ZHX3: variants seen among roughly 807,000 people sequenced by gnomAD.
ZHX3 encodes the protein zinc fingers and homeoboxes 3.
A neutral mutation model predicts 64.5 loss-of-function variants in ZHX3; 20 were observed. The observed-to-expected ratio is 0.31, with a 90% CI of 0.22 to 0.45. The LOEUF is 0.45. Ranked by LOEUF, ZHX3 falls within the 20% of genes least tolerant of loss-of-function variation. The pLI is 1.00. For synonymous variants in ZHX3, 423 were observed against 461.6 expected (o/e 0.92, Z 1.07); for missense variants, 1,041 against 1,195.8 (o/e 0.87, Z 1.91).
chr20:41,219,550 CAACAA>C lies in ZHX3; in HGVS notation c.-150-14489_-150-14485del. 6.6e-6 allele frequency among the ~76,000 whole-genome samples: 1 copy of C among 152,326 alleles called. No individual in the cohort carries two copies. The highest frequency in any genetic ancestry group is 2.1e-4 in the South Asian group (1 of 4,824). On this transcript the variant is annotated intron_variant, in intron 2 of 3. Transcript: ENST00000683867. The surrounding 1 kb of genome is among the most constrained non-coding windows in gnomAD (Gnocchi z 5.0). ...GGTTCCTTGTAGTAAGCACCAAAAA[CAACAA>C]AACCTTCCTATAAGTTTTATTTGCT...
At chr20:41,248,319 C>CA (rs536246473) in intron 2 of ZHX3, among the ~76,000 whole-genome samples, 2 of 152,070 alleles carry the variant, frequency 1.3e-5, no homozygotes, top group African/African-American at 4.8e-5. Flanking sequence ...CCAGTTTCTC[C>CA]GGTTTTTTTT....
chr20:41,265,017 G>T (rs897852004), intron 2 of ZHX3, among the ~76,000 whole-genome samples: 1 of 151,948 alleles, frequency 6.6e-6, no homozygotes, highest in African/African-American at 2.4e-5. Flanking sequence ...AAAAATAAGC[G>T]CAAAATAAGC....
At chr20:41,292,696 T>A (rs1406989933) in intron 1 of ZHX3, among the ~76,000 whole-genome samples, 1 of 152,230 alleles carries the variant, frequency 6.6e-6, no homozygotes, top group East Asian at 1.9e-4. Context: ...AGAAAAAAAT[T>A]GGATGCTCCA....
At position 41,228,568 on chromosome 20, in the gene ZHX3, T is replaced by C. The variant is rs2040411056; in HGVS notation, c.-150-23502A>G. Among the ~76,000 whole-genome samples the C allele has an allele frequency of 6.6e-6, 1 of 152,182 alleles. No homozygotes were observed. Among genetic ancestry groups the C allele is most frequent in the Admixed American group, 6.5e-5 (1 of 15,282 alleles). ...TCCTCATAGACAGACAACTTCCCAC[T>C]GTCCTCACATGGCAGAAGGGACCAG... On this transcript the variant is annotated intron_variant, in intron 2 of 3. Transcript: ENST00000683867. This position sits in a 1 kb window ranked among gnomAD's most constrained non-coding sequence, Gnocchi z 4.6.
chr20:41,270,651 G>A (rs1354374234), intron 1 of ZHX3, among the ~76,000 whole-genome samples: 1 of 150,304 alleles, frequency 6.7e-6, no homozygotes, highest in Non-Finnish European at 1.5e-5. Flanking sequence ...ACTCCAGCCT[G>A]GTTGACAGAG....
In ZHX3 at chr20:41,204,569, A is replaced by G. The variant is rs1257435766; in HGVS notation, c.348T>C (p.Phe116=). ...DPTFVCSGCS[F]LAKTPEGLSL... is the part of the protein sequence containing the mutation. Reference sequence around the variant, plus strand: ...AAAGCCCCTCAGGGGTTTTTGCCAGAAAACTGCACCCACTGCATACAAAGG... The same window carrying G: ...AAAGCCCCTCAGGGGTTTTTGCCAGGAAACTGCACCCACTGCATACAAAGG... The change falls in exon 3 of 4, where the codon TTT becomes TTC. Residue 116 remains phenylalanine (F), a synonymous_variant. Transcript: ENST00000683867. The surrounding 1 kb of genome is among the most constrained non-coding windows in gnomAD (Gnocchi z 6.6). The G allele has an allele frequency of 6.2e-7, 1 of 1,614,226 alleles. No individual in the cohort carries two copies. Among genetic ancestry groups the G allele is most frequent in the Admixed American group, 1.7e-5 (1 of 60,032 alleles).
At chr20:41,239,553 T>A (rs1461013705) in intron 2 of ZHX3, 1 of 152,348 alleles carries the variant, frequency 6.6e-6, no homozygotes, top group Non-Finnish European at 1.5e-5. Context: ...CCTCTTGGCA[T>A]GACTGCCACT....
chr20:41,245,281 C>A (rs903521005), intron 2 of ZHX3, among the ~76,000 whole-genome samples: 4 of 152,220 alleles, frequency 2.6e-5, no homozygotes, highest in Non-Finnish European at 5.9e-5. Context: ...GGACTCCCAG[C>A]GTGGCCAGGG....
rs970797988 is a variant in ZHX3 at position 41,202,465 on chromosome 20, C to T, written c.2452G>A (p.Ala818Thr). 3.7e-6 allele frequency: 6 copies of T among 1,614,214 alleles called. No individual in the cohort carries two copies. Among genetic ancestry groups the T allele is most frequent in the Admixed American group, 1.7e-5 (1 of 60,028 alleles). The change falls in exon 3 of 4, where the codon GCA (alanine) becomes ACA (threonine). Residue 818 changes from alanine to threonine, a missense_variant. Coordinates refer to ENST00000683867, the MANE Select transcript of ZHX3 (RefSeq NM_001384317.1). The surrounding 1 kb of genome is among the most constrained non-coding windows in gnomAD (Gnocchi z 7.0). ...VVRWFGDSRY[A>T]LKNGQLKWYE... ...CATTTGAGTTGGCCGTTCTTCAGTG[C>T]GTACCTGCTATCTCCAAACCAGCGC...
At position 41,228,900 on chromosome 20, in the gene ZHX3, TA is replaced by T. The variant is rs1012924259; in HGVS notation, c.-150-23835del. On this transcript the variant is annotated intron_variant, in intron 2 of 3. Transcript: ENST00000683867. This position sits in a 1 kb window ranked among gnomAD's most constrained non-coding sequence, Gnocchi z 4.6. Reference sequence around the variant, plus strand: ...GTAGAGGGACTTTTAGAAATTGTGGTAAAATACACATAACATAAAATTTACC... The same window carrying T: ...GTAGAGGGACTTTTAGAAATTGTGGTAAATACACATAACATAAAATTTACC... Among the ~76,000 whole-genome samples, 9 of 152,210 alleles carry T rather than the reference TA, an allele frequency of 5.9e-5. No homozygotes were observed. The highest frequency in any genetic ancestry group is 2.2e-4 in the African/African-American group (9 of 41,448).
chr20:41,256,152 G>C (rs1600524310), intron 2 of ZHX3, among the ~76,000 whole-genome samples: 1 of 152,156 alleles, frequency 6.6e-6, no homozygotes, highest in African/African-American at 2.4e-5. Flanking sequence ...TGTAAACCAA[G>C]CCTTTTTAGC....
chr20:41,212,397 G>A lies in ZHX3; in HGVS notation c.-150-7331C>T, dbSNP rs1358767777. 6.6e-6 allele frequency among the ~76,000 whole-genome samples: 1 copy of A among 152,120 alleles called. No individual in the cohort carries two copies. Among genetic ancestry groups the A allele is most frequent in the Non-Finnish European group, 1.5e-5 (1 of 68,020 alleles). ...ACAGATAACAAGTATAGATGAGGAT[G>A]CAGAGAAACTGGAGCCCTCACGTAT... On this transcript the variant is annotated intron_variant, in intron 2 of 3. Coordinates refer to ENST00000683867, the MANE Select transcript of ZHX3 (RefSeq NM_001384317.1). The surrounding 1 kb of genome is among the most constrained non-coding windows in gnomAD (Gnocchi z 4.3).
intron 1 of ZHX3, among the ~76,000 whole-genome samples, chr20:41,315,123 A>C (rs1192687607): frequency 6.6e-6 from 1 of 152,200 alleles, no homozygotes; most frequent in African/African-American, 2.4e-5. Flanking sequence ...AACTATGTTA[A>C]TATCCAGGGA....
chr20:41,277,083 A>G (rs917497202), intron 1 of ZHX3, among the ~76,000 whole-genome samples: 2 of 152,250 alleles, frequency 1.3e-5, no homozygotes, highest in Non-Finnish European at 2.9e-5. Flanking sequence ...GAAGACAGAC[A>G]AGACAGCATG....
intron 1 of ZHX3, among the ~76,000 whole-genome samples, chr20:41,283,409 C>A (rs1192756882): frequency 1.3e-5 from 2 of 152,116 alleles, no homozygotes; most frequent in African/African-American, 4.8e-5. Context: ...AGGTCACACA[C>A]CACTAAGGGC....
intron 3 of ZHX3, among the ~76,000 whole-genome samples, chr20:41,193,958 T>C (rs1259128116): frequency 6.6e-6 from 1 of 152,156 alleles, no homozygotes; most frequent in East Asian, 1.9e-4. Context: ...CCTTGGCCTC[T>C]CAAAGTGCTG....
At chr20:41,293,983 AG>A (rs1341918959) in intron 1 of ZHX3, among the ~76,000 whole-genome samples, 5 of 152,184 alleles carry the variant, frequency 3.3e-5, no homozygotes, top group Non-Finnish European at 5.9e-5. Flanking sequence ...AGACAATCAA[AG>A]GCAAGTGGAA....
chr20:41,206,582 AGC>A (rs1305995455), intron 2 of ZHX3, among the ~76,000 whole-genome samples: 1 of 152,082 alleles, frequency 6.6e-6, no homozygotes, highest in Non-Finnish European at 1.5e-5. Context: ...AATGAAATGA[AGC>A]GAGAAGTTTA....
intron 1 of ZHX3, among the ~76,000 whole-genome samples, chr20:41,315,346 CTTTTT>C (rs11471425): frequency 8.6e-4 from 48 of 56,052 alleles, no homozygotes; most frequent in African/African-American, 4.1e-3. Context: ...CCAGGCCTGG[CTTTTT>C]TTTTTTTTTT....
Sources: allele counts gnomAD v4.1 joint callset (sites outside exome capture counted in the v4.1 genomes callset), GRCh38; gene constraint gnomAD v4.1.1; non-coding constraint Gnocchi (gnomAD v3.1); transcripts MANE v1.5; gene names NCBI Gene and HGNC (gene_info 2026-07-23, HGNC 2026-07-21).